Variants in NALF1 observed in about 807,000 individuals in gnomAD.
The protein encoded by NALF1 is family with sequence similarity 155 member A.
NALF1 carries 3 observed loss-of-function variants against 48.4 expected under a neutral mutation model. That is an observed-to-expected ratio of 0.06 (90% CI 0.03 to 0.16). The LOEUF is 0.16. Among genes scored for constraint, NALF1 ranks in the 10% least tolerant of loss-of-function variants. The pLI, the probability that NALF1 is intolerant of heterozygous loss-of-function variation, is 1.00. For synonymous variants in NALF1, 262 were observed against 245.7 expected, an observed-to-expected ratio of 1.07 and a Z score of -0.62; for missense variants, 526 against 571.5, an observed-to-expected ratio of 0.92 and a Z score of 0.81.
At chr13:107,347,430 C>T (rs921216343) in intron 1 of NALF1, among the ~76,000 whole-genome samples, 1 of 152,234 alleles carries the variant, frequency 6.6e-6, no homozygotes, top group Non-Finnish European at 1.5e-5. Flanking sequence ...CCTAGCACAA[C>T]AAACATAACC....
chr13:107,326,337 G>A (rs1181532350), intron 1 of NALF1, among the ~76,000 whole-genome samples: 2 of 152,036 alleles, frequency 1.3e-5, no homozygotes, highest in East Asian at 1.9e-4. Context: ...AGAGCTTCTC[G>A]GGCATTCCTG....
At chr13:107,465,140 T>C (rs1185565892) in intron 1 of NALF1, among the ~76,000 whole-genome samples, 3 of 152,074 alleles carry the variant, frequency 2.0e-5, no homozygotes, top group East Asian at 3.9e-4. Context: ...AAATTATTTT[T>C]AGCTTCTATT....
At chr13:107,260,189 C>A (rs1256306757) in intron 1 of NALF1, among the ~76,000 whole-genome samples, 1 of 152,160 alleles carries the variant, frequency 6.6e-6, no homozygotes, top group African/African-American at 2.4e-5. Flanking sequence ...ATCCCACAGA[C>A]TCCAGTTAAA....
chr13:107,776,194 G>A (rs890534889), intron 1 of NALF1, among the ~76,000 whole-genome samples: 5 of 152,170 alleles, frequency 3.3e-5, no homozygotes, highest in African/African-American at 9.7e-5. Context: ...AGAGGCAGAG[G>A]CAATAGAGGG....
intron 1 of NALF1, among the ~76,000 whole-genome samples, chr13:107,475,800 A>C (rs1885169100): frequency 6.6e-6 from 1 of 152,182 alleles, no homozygotes; most frequent in Non-Finnish European, 1.5e-5. Flanking sequence ...CATATAAACT[A>C]TTTATTGAGA....
chr13:107,540,619 G>A (rs926078050), intron 1 of NALF1, among the ~76,000 whole-genome samples: 2 of 152,044 alleles, frequency 1.3e-5, no homozygotes, highest in Non-Finnish European at 2.9e-5. Context: ...AGTGACTGCT[G>A]GTACTCATGT....
chr13:107,710,772 CATATGTGTGTATATACACAT>C (rs1342505104), intron 1 of NALF1, among the ~76,000 whole-genome samples: 9 of 53,868 alleles, frequency 1.7e-4, no homozygotes, highest in Middle Eastern at 0.021. Context: ...TGTATACACA[CATATGTGTGTATATACACAT>C]ATATGTATAT....
intron 1 of NALF1, among the ~76,000 whole-genome samples, chr13:107,216,831 G>A (rs1161754026): frequency 6.6e-6 from 1 of 152,160 alleles, no homozygotes; most frequent in East Asian, 1.9e-4. Flanking sequence ...AAGCCCAGTT[G>A]GCCAATCAGG....
At chr13:107,863,609 T>G (rs543374490) in intron 1 of NALF1, among the ~76,000 whole-genome samples, 1 of 152,296 alleles carries the variant, frequency 6.6e-6, no homozygotes, top group South Asian at 2.1e-4. Flanking sequence ...GAAGACTAAG[T>G]TTTTAAAGAA....
chr13:107,503,866 C>G lies in NALF1; in HGVS notation c.916-293111G>C, dbSNP rs912382299. 2.0e-5 allele frequency among the ~76,000 whole-genome samples: 3 copies of G among 147,602 alleles called. No homozygotes were observed. In the South Asian group the frequency reaches 6.4e-4, roughly 31 times the overall value. ...AGTAGTAGACCTAGAGGACATTTTGCTAAGTGAAAAAAGCCAGACATAGAA... is the reference window on the plus strand; with the variant it reads ...AGTAGTAGACCTAGAGGACATTTTGGTAAGTGAAAAAAGCCAGACATAGAA... On this transcript the variant is annotated intron_variant, in intron 1 of 2. Coordinates refer to ENST00000375915, the MANE Select transcript of NALF1 (RefSeq NM_001080396.3).
intron 1 of NALF1, among the ~76,000 whole-genome samples, chr13:107,404,122 C>T (rs1883861064): frequency 6.6e-6 from 1 of 152,094 alleles, no homozygotes; most frequent in African/African-American, 2.4e-5. Flanking sequence ...TAACTTCACT[C>T]TAATTATCAC....
intron 1 of NALF1, among the ~76,000 whole-genome samples, chr13:107,428,677 C>T (rs191289533): frequency 6.6e-6 from 1 of 152,146 alleles, no homozygotes. Flanking sequence ...TTTTCAAAAA[C>T]AAAACAAAAC....
In NALF1 at chr13:107,165,760, T is replaced by G. The variant is rs543365845; in HGVS notation, c.*4737A>C. 6.6e-6 allele frequency: 1 copy of G among 152,308 alleles called. No individual in the cohort carries two copies. Among genetic ancestry groups the G allele is most frequent in the East Asian group, 1.9e-4 (1 of 5,180 alleles). The allele number at this position is 152,308 out of a possible 1,614,324, so 9.4% of individuals were successfully genotyped here. A position where few individuals can be genotyped will look rare whatever the true frequency, so the allele number is the denominator to read the frequency against. ...TATTCATTGTCACCCAATACCTACC[T>G]GCTATATTAGGTTTTTTATAAACAT... On this transcript the variant is annotated 3_prime_UTR_variant, in exon 3 of 3. Coordinates refer to ENST00000375915, the MANE Select transcript of NALF1 (RefSeq NM_001080396.3).
chr13:107,644,657 A>ATATATG (rs1555314860), intron 1 of NALF1, among the ~76,000 whole-genome samples: 2 of 137,750 alleles, frequency 1.5e-5, no homozygotes, highest in African/African-American at 5.1e-5. Flanking sequence ...ATATATATAT[A>ATATATG]TATATATATG....
chr13:107,449,468 A>C (rs1884705455), intron 1 of NALF1, among the ~76,000 whole-genome samples: 1 of 152,234 alleles, frequency 6.6e-6, no homozygotes, highest in East Asian at 1.9e-4. Flanking sequence ...TTTGGACGAC[A>C]AAAGAGATTA....
intron 1 of NALF1, among the ~76,000 whole-genome samples, chr13:107,507,671 G>C (rs1030673348): frequency 2.1e-5 from 3 of 143,390 alleles, no homozygotes; most frequent in Non-Finnish European, 3.0e-5. Context: ...ACTTTTTCTA[G>C]AGTGCCAAAA....
chr13:107,743,236 T>C (rs1210548977), intron 1 of NALF1, among the ~76,000 whole-genome samples: 1 of 152,192 alleles, frequency 6.6e-6, no homozygotes, highest in Non-Finnish European at 1.5e-5. Flanking sequence ...TTAACACACA[T>C]CCTTTCCTTC....
chr13:107,675,525 A>G (rs1179389778), intron 1 of NALF1, among the ~76,000 whole-genome samples: 6 of 152,342 alleles, frequency 3.9e-5, no homozygotes, highest in African/African-American at 1.4e-4. Flanking sequence ...AATCGCTAGA[A>G]TTTGAAAATG....
intron 2 of NALF1, among the ~76,000 whole-genome samples, chr13:107,174,807 A>G (rs1878883566): frequency 6.6e-6 from 1 of 151,904 alleles, no homozygotes; most frequent in South Asian, 2.1e-4. Context: ...GGAGTTGTGC[A>G]TGGAATCCTG....
Sources: allele counts gnomAD v4.1 joint callset (sites outside exome capture counted in the v4.1 genomes callset), GRCh38; gene constraint gnomAD v4.1.1; transcripts MANE v1.5; gene names NCBI Gene and HGNC (gene_info 2026-07-23, HGNC 2026-07-21).